PTPRT: variants seen among roughly 807,000 people sequenced by gnomAD.
PTPRT encodes receptor-type tyrosine-protein phosphatase T.
PTPRT carries 56 observed loss-of-function variants against 176.8 expected under a neutral mutation model. The observed-to-expected ratio is 0.32, with a 90% confidence interval of 0.26 to 0.40. The LOEUF (loss-of-function observed/expected upper bound fraction) is 0.40. PTPRT is among the 10% of genes least tolerant of loss of function. PTPRT has a pLI of 1.00. For synonymous variants in PTPRT, 783 were observed against 739.0 expected (o/e 1.06, Z -0.96); for missense variants, 1,540 against 1,908.2 (o/e 0.81, Z 3.60).
chr20:42,578,492 A>G (rs2073305057), intron 7 of PTPRT, among the ~76,000 whole-genome samples: 1 of 152,084 alleles, frequency 6.6e-6, no homozygotes, highest in African/African-American at 2.4e-5. Context: ...CAAACTTAAC[A>G]TGTTTGAAAC....
intron 2 of PTPRT, among the ~76,000 whole-genome samples, chr20:42,848,792 G>T (rs2078421233): frequency 6.6e-6 from 1 of 152,014 alleles, no homozygotes; most frequent in South Asian, 2.1e-4. Context: ...TGTTTCTTTG[G>T]CTGTTCGGAA....
chr20:42,987,985 C>T (rs1234559871), intron 1 of PTPRT, among the ~76,000 whole-genome samples: 1 of 152,070 alleles, frequency 6.6e-6, no homozygotes, highest in Non-Finnish European at 1.5e-5. Flanking sequence ...CACAGACAGG[C>T]CGAGATGGAA....
At chr20:43,063,874 G>C (rs1398387571) in intron 1 of PTPRT, among the ~76,000 whole-genome samples, 1 of 152,140 alleles carries the variant, frequency 6.6e-6, no homozygotes, top group Non-Finnish European at 1.5e-5. Flanking sequence ...TCAGTTGATG[G>C]ACTCAACATG....
At chr20:42,183,464 T>C (rs1244861722) in intron 16 of PTPRT, among the ~76,000 whole-genome samples, 1 of 152,180 alleles carries the variant, frequency 6.6e-6, no homozygotes, top group East Asian at 1.9e-4. Flanking sequence ...CAAGGAATTG[T>C]ACAAGAGAGC....
At chr20:42,861,827 C>G (rs2078666534) in intron 2 of PTPRT, among the ~76,000 whole-genome samples, 1 of 151,926 alleles carries the variant, frequency 6.6e-6, no homozygotes, top group African/African-American at 2.4e-5. Flanking sequence ...AAGTGAAAAG[C>G]CTTGAGACAG....
At chr20:42,327,085 G>C (rs2057894517) in intron 11 of PTPRT, among the ~76,000 whole-genome samples, 1 of 146,390 alleles carries the variant, frequency 6.8e-6, no homozygotes, top group Middle Eastern at 3.5e-3. Flanking sequence ...GTAGGGGTGT[G>C]TGTGTGTGTG....
rs144241441 is a variant in PTPRT, at chr20:42,487,566, G to T, written c.1154-15004C>A. Reference sequence around the variant, plus strand: ...CGGGTGGGCCCCATGTACTCATAAGGGTCCTTATAAGAGGGAGGCAAGAGG... The same window carrying T: ...CGGGTGGGCCCCATGTACTCATAAGTGTCCTTATAAGAGGGAGGCAAGAGG... On this transcript the variant is annotated intron_variant, in intron 7 of 30. Transcript: ENST00000373187. 4.1e-3 allele frequency among the ~76,000 whole-genome samples: 625 copies of T among 152,194 alleles called. 1 individual carries two copies. Among genetic ancestry groups the T allele is most frequent in the Non-Finnish European group, 6.5e-3 (439 of 68,024 alleles).
At chr20:42,418,883 C>G (rs1226069833) in intron 9 of PTPRT, among the ~76,000 whole-genome samples, 1 of 152,178 alleles carries the variant, frequency 6.6e-6, no homozygotes, top group Non-Finnish European at 1.5e-5. Context: ...CTCCTCTTGC[C>G]TTTGAGAAAG....
chr20:42,931,467 A>G (rs926945256), intron 1 of PTPRT, among the ~76,000 whole-genome samples: 3 of 152,236 alleles, frequency 2.0e-5, no homozygotes, highest in African/African-American at 7.2e-5. Flanking sequence ...GCATTTTGTC[A>G]TGACAGCACA....
chr20:42,838,866 A>G (rs944934755), intron 2 of PTPRT, among the ~76,000 whole-genome samples: 3 of 152,018 alleles, frequency 2.0e-5, no homozygotes, highest in Non-Finnish European at 2.9e-5. Flanking sequence ...TCCTAGGGGA[A>G]CCTCTGGGGA....
chr20:42,891,665 A>T (rs1053875588), intron 1 of PTPRT, among the ~76,000 whole-genome samples: 1 of 152,236 alleles, frequency 6.6e-6, no homozygotes, highest in African/African-American at 2.4e-5. Flanking sequence ...TTCAATAAAA[A>T]TATAAATGTG....
At chr20:42,871,970 C>T (rs2078853558) in intron 2 of PTPRT, among the ~76,000 whole-genome samples, 1 of 152,300 alleles carries the variant, frequency 6.6e-6, no homozygotes, top group Non-Finnish European at 1.5e-5. Context: ...ACCTTAGACA[C>T]TCTCAGAGTT....
rs73271010 is a variant in PTPRT, at chr20:42,244,027, T to C, written c.2312+4660A>G. 3.5e-3 allele frequency among the ~76,000 whole-genome samples: 527 copies of C among 152,330 alleles called. 4 individuals carry two copies. The highest frequency in any genetic ancestry group is 0.012 in the African/African-American group (502 of 41,578). ...GTGGAGATGAATGTTTCTGTAGATA[T>C]TGTGCATTGTAATTCCTTAAGCAGG... On this transcript the variant is annotated intron_variant, in intron 14 of 30. Coordinates refer to ENST00000373187, the MANE Select transcript of PTPRT (RefSeq NM_007050.6).
At chr20:42,070,177 G>T (rs146305705), downstream of PTPRT, among the ~76,000 whole-genome samples, 300 of 151,962 alleles carry the variant, frequency 2.0e-3, 1 homozygote, top group African/African-American at 7.0e-3. Context: ...CCCTCTTCTT[G>T]CCTTCTGCAT....
At chr20:42,738,812 C>T (rs1476666758) in intron 6 of PTPRT, among the ~76,000 whole-genome samples, 1 of 152,166 alleles carries the variant, frequency 6.6e-6, no homozygotes, top group Non-Finnish European at 1.5e-5. Context: ...TGGCTCACGC[C>T]TGTAATCCCA....
At chr20:42,982,131 G>A (rs150966395) in intron 1 of PTPRT, among the ~76,000 whole-genome samples, 1 of 152,292 alleles carries the variant, frequency 6.6e-6, no homozygotes, top group Non-Finnish European at 1.5e-5. Context: ...AAAGTTTCAC[G>A]CATTCCTGGA....
chr20:43,121,694 A>G (rs538944479), intron 1 of PTPRT, among the ~76,000 whole-genome samples: 2 of 152,360 alleles, frequency 1.3e-5, no homozygotes, highest in East Asian at 3.9e-4. Flanking sequence ...ATTCATGCCA[A>G]GACAAGAAGG....
At chr20:42,867,646 G>C (rs925072959) in intron 2 of PTPRT, among the ~76,000 whole-genome samples, 1 of 148,020 alleles carries the variant, frequency 6.8e-6, no homozygotes, top group Admixed American at 6.8e-5. Flanking sequence ...CCAGCATCCA[G>C]AACTATGAGA....
At chr20:43,100,223 A>T (rs149180456) in intron 1 of PTPRT, among the ~76,000 whole-genome samples, 88 of 152,242 alleles carry the variant, frequency 5.8e-4, no homozygotes, top group African/African-American at 2.0e-3. Flanking sequence ...CTAAAAATAC[A>T]AAAACTAGCT....
Sources: allele counts gnomAD v4.1 joint callset (sites outside exome capture counted in the v4.1 genomes callset), GRCh38; gene constraint gnomAD v4.1.1; transcripts MANE v1.5; gene names NCBI Gene and HGNC (gene_info 2026-07-23, HGNC 2026-07-21).